The following MRTFA variants were observed in gnomAD, a reference collection of about 807,000 sequenced individuals.
MRTFA encodes myocardin related transcription factor A.
A neutral mutation model predicts 83.5 loss-of-function variants in MRTFA; 20 were observed. The observed-to-expected ratio is 0.24, with a 90% CI of 0.17 to 0.35. The LOEUF is 0.35. Among genes scored for constraint, MRTFA ranks in the 10% least tolerant of loss-of-function variants. The probability of loss-of-function intolerance (pLI) is 1.00; values close to 1 mark genes in which losing one functional copy is unlikely to be tolerated. For synonymous variants in MRTFA, 659 were observed against 541.2 expected, an observed-to-expected ratio of 1.22 and a Z score of -3.02; for missense variants, 1,200 against 1,224.7, an observed-to-expected ratio of 0.98 and a Z score of 0.30.
At chr22:40,611,973 G>A (rs957997316) in intron 1 of MRTFA, among the ~76,000 whole-genome samples, 3 of 152,186 alleles carry the variant, frequency 2.0e-5, no homozygotes, top group African/African-American at 7.2e-5. Flanking sequence ...AAAAAGTTAT[G>A]TACAGAGTCT....
intron 2 of MRTFA, chr22:40,569,278 G>T: frequency 1.0e-5 from 2 of 192,506 alleles, no homozygotes; most frequent in South Asian, 2.4e-4. Context: ...ATTGAGCTGA[G>T]AACTGCACCA....
Position 40,419,327 on chromosome 22 carries a change from T to C in MRTFA, c.1411A>G (p.Thr471Ala), listed in dbSNP as rs774739004. ...GCTCGAAGGCGCTCAATCAGCTCAG[T>C]TTTGGTGCCCGAGACAGGCAGTGAT... The change falls in exon 12 of 15, where the codon ACT becomes GCT. Residue 471 changes from threonine to alanine, a missense_variant. Thr to Ala is a moderately conservative substitution (Grantham distance 58). Coordinates refer to ENST00000355630, the MANE Select transcript of MRTFA (RefSeq NM_020831.6). 6.2e-7 allele frequency: 1 copy of C among 1,613,846 alleles called. No homozygotes were observed. Among genetic ancestry groups the C allele is most frequent in the South Asian group, 1.1e-5 (1 of 91,076 alleles).
intron 2 of MRTFA, among the ~76,000 whole-genome samples, chr22:40,553,296 T>C (rs184012994): frequency 1.3e-5 from 2 of 152,276 alleles, no homozygotes; most frequent in Non-Finnish European, 2.9e-5. Flanking sequence ...GAGCCTAACA[T>C]TAATCACCAA....
chr22:40,563,190 G>A (rs971387803), intron 2 of MRTFA, among the ~76,000 whole-genome samples: 1 of 151,970 alleles, frequency 6.6e-6, no homozygotes, highest in Non-Finnish European at 1.5e-5. Context: ...GCTCTTTACT[G>A]TGACTGCCTA....
At chr22:40,557,737 T>C (rs1314134820) in intron 2 of MRTFA, among the ~76,000 whole-genome samples, 1 of 152,180 alleles carries the variant, frequency 6.6e-6, no homozygotes, top group Non-Finnish European at 1.5e-5. Context: ...ATATGTTTTT[T>C]ATCACAATTA....
At chr22:40,503,367 G>A (rs2054529065) in intron 3 of MRTFA, among the ~76,000 whole-genome samples, 1 of 152,186 alleles carries the variant, frequency 6.6e-6, no homozygotes, top group Non-Finnish European at 1.5e-5. Context: ...GTGCCACTAT[G>A]CGCAGCTAAC....
At chr22:40,544,682 A>G (rs1231708765) in intron 3 of MRTFA, among the ~76,000 whole-genome samples, 1 of 152,234 alleles carries the variant, frequency 6.6e-6, no homozygotes, top group East Asian at 1.9e-4. Flanking sequence ...AATACAATAG[A>G]AAGAGTAGGC....
At position 40,505,712 on chromosome 22, in the gene MRTFA, T is replaced by TTATGCCA. The variant is rs573483718; in HGVS notation, c.242-42433_242-42427dup. 7.3e-4 allele frequency among the ~76,000 whole-genome samples: 111 copies of TTATGCCA among 152,296 alleles called. 1 individual carries two copies. Among genetic ancestry groups the TTATGCCA allele is most frequent in the African/African-American group, 2.6e-3 (108 of 41,568 alleles). On this transcript the variant is annotated intron_variant, in intron 3 of 14. Transcript: ENST00000355630. ...CTTTCGGGTGGCTTGCCCTTCTGCC[T>TTATGCCA]TATGCCATATGAGGACACAGCGTTC...
chr22:40,574,896 G>A (rs951876090), intron 2 of MRTFA, among the ~76,000 whole-genome samples: 1 of 152,162 alleles, frequency 6.6e-6, no homozygotes, highest in Non-Finnish European at 1.5e-5. Context: ...ACTGATGAAC[G>A]ACTACAGTTG....
chr22:40,432,387 G>T (rs958498212), intron 5 of MRTFA, among the ~76,000 whole-genome samples: 1 of 152,114 alleles, frequency 6.6e-6, no homozygotes, highest in Non-Finnish European at 1.5e-5. Flanking sequence ...CAAAGCTCTA[G>T]TTCCTCAAAG....
intron 1 of MRTFA, among the ~76,000 whole-genome samples, chr22:40,618,093 G>T (rs1304797882): frequency 1.1e-4 from 15 of 132,860 alleles, no homozygotes; most frequent in Admixed American, 5.2e-4. Context: ...TTTTTTTTTT[G>T]AGACGGAGTC....
At position 40,536,232 on chromosome 22, in the gene MRTFA, G is replaced by T. The variant is rs551164357; in HGVS notation, c.241+15874C>A. On this transcript the variant is annotated intron_variant, in intron 3 of 14. Transcript: ENST00000355630. ...GCAGGAGGATCACTTGGGCCCAGGA[G>T]TTCCAGGCTACAGTGAGCTGTGATC... Among the ~76,000 whole-genome samples, 4 of 152,032 alleles carry T rather than the reference G, an allele frequency of 2.6e-5. No homozygotes were observed. The South Asian group carries it at 8.3e-4, about 32-fold the overall frequency.
intron 3 of MRTFA, among the ~76,000 whole-genome samples, chr22:40,551,129 C>T (rs2055439263): frequency 6.6e-6 from 1 of 151,910 alleles, no homozygotes; most frequent in African/African-American, 2.4e-5. Context: ...AGTCACCGTG[C>T]CCAGCCTCTT....
intron 2 of MRTFA, among the ~76,000 whole-genome samples, chr22:40,567,359 T>C (rs1335647001): frequency 6.6e-6 from 1 of 152,232 alleles, no homozygotes; most frequent in Non-Finnish European, 1.5e-5. Flanking sequence ...GGTGGAATTC[T>C]ATTTGTCTTC....
rs181256764 is a variant in MRTFA, at chr22:40,490,326, C to T, written c.242-27040G>A. Among the ~76,000 whole-genome samples the T allele has an allele frequency of 1.9e-3, 284 of 152,262 alleles. 9 individuals carry two copies. In the South Asian group the frequency reaches 0.04, roughly 21 times the overall value. Reference sequence around the variant, plus strand: ...ATTCTTAAAACTATTCTCAGCTGGGCGCGATGGCTCACGCCTGTAATCCTA... The same window carrying T: ...ATTCTTAAAACTATTCTCAGCTGGGTGCGATGGCTCACGCCTGTAATCCTA... On this transcript the variant is annotated intron_variant, in intron 3 of 14. Coordinates refer to ENST00000355630, the MANE Select transcript of MRTFA (RefSeq NM_020831.6).
In MRTFA at chr22:40,584,525, T is replaced by C. The variant is rs189871057; in HGVS notation, c.-22+10149A>G. Among the ~76,000 whole-genome samples the C allele has an allele frequency of 1.2e-3, 182 of 151,582 alleles. 1 individual carries two copies. Among genetic ancestry groups the C allele is most frequent in the Admixed American group, 2.3e-3 (35 of 15,210 alleles). On this transcript the variant is annotated intron_variant, in intron 2 of 14. Coordinates refer to ENST00000355630, the MANE Select transcript of MRTFA (RefSeq NM_020831.6). ...GCTGAGGCAGGAGGATCACCTGAGG[T>C]TGGGAGTTTGAGACCAGCTTGACCA...
intron 4 of MRTFA, among the ~76,000 whole-genome samples, chr22:40,444,610 A>G (rs6001915): frequency 0.12 from 18,220 of 152,192 alleles, 1,259 homozygotes; most frequent in East Asian, 0.24. Flanking sequence ...CCCAAAGGAA[A>G]TGGCACGATA....
intron 3 of MRTFA, among the ~76,000 whole-genome samples, chr22:40,481,949 A>G (rs766515641): frequency 2.0e-5 from 3 of 151,568 alleles, no homozygotes; most frequent in Non-Finnish European, 4.4e-5. Context: ...AGTCCCAGCT[A>G]CTCGGGAGGC....
At chr22:40,603,478 C>G (rs1425923986) in intron 1 of MRTFA, among the ~76,000 whole-genome samples, 1 of 152,232 alleles carries the variant, frequency 6.6e-6, no homozygotes, top group East Asian at 1.9e-4. Context: ...CAAACTGCTG[C>G]TATTTCAGCA....
Sources: allele counts gnomAD v4.1 joint callset (sites outside exome capture counted in the v4.1 genomes callset), GRCh38; gene constraint gnomAD v4.1.1; transcripts MANE v1.5; gene names NCBI Gene and HGNC (gene_info 2026-07-23, HGNC 2026-07-21).